The following PCSK2 variants were observed in gnomAD, a reference collection of about 807,000 sequenced individuals.
The protein encoded by PCSK2 is neuroendocrine convertase 2.
A neutral mutation model predicts 69.7 loss-of-function variants in PCSK2; 14 were observed. The observed-to-expected ratio is 0.20, with a 90% confidence interval of 0.13 to 0.31. The LOEUF is 0.31. Among genes scored for constraint, PCSK2 ranks in the 10% least tolerant of loss-of-function variants. PCSK2 has a pLI of 1.00. For synonymous variants in PCSK2, 307 were observed against 320.7 expected, an observed-to-expected ratio of 0.96 and a Z score of 0.46; for missense variants, 544 against 842.5, an observed-to-expected ratio of 0.65 and a Z score of 4.39.
chr20:17,283,774 G>A (rs1264974773), intron 2 of PCSK2, among the ~76,000 whole-genome samples: 1 of 152,124 alleles, frequency 6.6e-6, no homozygotes, highest in Admixed American at 6.5e-5. Flanking sequence ...TTCCATCTCA[G>A]GTATCATCAC....
chr20:17,296,570 T>C (rs1172199910), intron 2 of PCSK2, among the ~76,000 whole-genome samples: 1 of 152,182 alleles, frequency 6.6e-6, no homozygotes, highest in Non-Finnish European at 1.5e-5. Context: ...CCAGCTCTGT[T>C]GCATATTTTA....
At chr20:17,318,819 T>G (rs903493233) in intron 2 of PCSK2, among the ~76,000 whole-genome samples, 2 of 152,116 alleles carry the variant, frequency 1.3e-5, no homozygotes, top group Non-Finnish European at 2.9e-5. Flanking sequence ...TTCAGGGAGA[T>G]AGAGAGAAAT....
At chr20:17,311,239 T>C (rs116920888) in intron 2 of PCSK2, among the ~76,000 whole-genome samples, 1,601 of 152,284 alleles carry the variant, frequency 0.011, 15 homozygotes, top group Middle Eastern at 0.044. Context: ...TTGTAGTAGA[T>C]TTTAAAAAGA....
At chr20:17,374,133 T>C (rs376327514) in intron 5 of PCSK2, among the ~76,000 whole-genome samples, 50 of 152,326 alleles carry the variant, frequency 3.3e-4, no homozygotes, top group African/African-American at 1.1e-3. Context: ...ACAATGGCTG[T>C]GGATTGAACC....
At chr20:17,298,040 T>A (rs2123081411) in intron 2 of PCSK2, among the ~76,000 whole-genome samples, 1 of 152,318 alleles carries the variant, frequency 6.6e-6, no homozygotes, top group South Asian at 2.1e-4. Flanking sequence ...TTATTGCTCT[T>A]TTCCTTCCTC....
In PCSK2 at chr20:17,281,330, T is replaced by G. The variant is rs574581138; in HGVS notation, c.282+20986T>G. On this transcript the variant is annotated intron_variant, in intron 2 of 11. Coordinates refer to ENST00000262545, the MANE Select transcript of PCSK2 (RefSeq NM_002594.5). ...ATCTAAACACTTCTCCTGGCCCTGATGAAGAATGCAGTCCAGAAGGAAAGC... is the reference window on the plus strand; with the variant it reads ...ATCTAAACACTTCTCCTGGCCCTGAGGAAGAATGCAGTCCAGAAGGAAAGC... Among the ~76,000 whole-genome samples the G allele has an allele frequency of 2.0e-5, 3 of 152,188 alleles. No homozygotes were observed. The East Asian group carries it at 5.8e-4, about 29-fold the overall frequency.
intron 1 of PCSK2, among the ~76,000 whole-genome samples, chr20:17,244,561 A>C (rs1986703274): frequency 6.6e-6 from 1 of 152,200 alleles, no homozygotes; most frequent in South Asian, 2.1e-4. Context: ...AACCCTTCCC[A>C]ATATTCCTTT....
intron 5 of PCSK2, among the ~76,000 whole-genome samples, chr20:17,400,109 A>T (rs905946853): frequency 6.6e-6 from 1 of 152,198 alleles, no homozygotes; most frequent in Non-Finnish European, 1.5e-5. Context: ...GTGCTCCCCT[A>T]GCTCTTTAGT....
At chr20:17,369,415 C>G (rs2030693126) in intron 5 of PCSK2, 138 bp downstream of exon 5, 5 of 720,998 alleles carry the variant, frequency 6.9e-6, no homozygotes, top group Admixed American at 4.1e-5. Context: ...CACACACACA[C>G]AGGAGTACAG....
rs1432189557 is a variant in PCSK2, at chr20:17,280,346, T to C, written c.282+20002T>C. On this transcript the variant is annotated intron_variant, in intron 2 of 11. Transcript: ENST00000262545. ...CAAACTTTTCACTACATAAACAACA[T>C]TGCATGCTTCTTTGTGCACAAATAT... is the stretch of plus-strand genomic sequence containing the variant. 2.0e-5 allele frequency among the ~76,000 whole-genome samples: 3 copies of C among 152,222 alleles called. No individual in the cohort carries two copies. In the East Asian group the frequency reaches 5.8e-4, roughly 29 times the overall value.
chr20:17,406,562 A>G (rs2123298143), intron 5 of PCSK2, among the ~76,000 whole-genome samples: 1 of 152,290 alleles, frequency 6.6e-6, no homozygotes, highest in Non-Finnish European at 1.5e-5. Flanking sequence ...TCTCTGCTGT[A>G]AGCTCTGCTC....
chr20:17,464,987 C>A, intron 10 of PCSK2: 2 of 325,622 alleles, frequency 6.1e-6, no homozygotes, highest in South Asian at 7.1e-5. Flanking sequence ...ATTACTTGCA[C>A]GCTCATCCAC....
intron 1 of PCSK2, among the ~76,000 whole-genome samples, chr20:17,242,658 CCTAA>C (rs1986626015): frequency 6.6e-6 from 1 of 152,132 alleles, no homozygotes; most frequent in African/African-American, 2.4e-5. Context: ...GGTGACACAT[CCTAA>C]TAAGTTGAGG....
intron 2 of PCSK2, among the ~76,000 whole-genome samples, chr20:17,305,709 G>T (rs186992102): frequency 6.6e-6 from 1 of 152,244 alleles, no homozygotes; most frequent in East Asian, 1.9e-4. Context: ...ACAGAAAAAT[G>T]TCTTATTTTC....
intron 2 of PCSK2, among the ~76,000 whole-genome samples, chr20:17,351,825 C>T (rs1568614066): frequency 6.6e-6 from 1 of 152,096 alleles, no homozygotes; most frequent in Non-Finnish European, 1.5e-5. Flanking sequence ...CCCTATTCAA[C>T]ATAGTACTGG....
chr20:17,391,906 G>GGAAGGAAGGAAGGAAGGAAGGA (rs1282817841), intron 5 of PCSK2, among the ~76,000 whole-genome samples: 2 of 100,010 alleles, frequency 2.0e-5, no homozygotes, highest in South Asian at 4.5e-4. Context: ...GAAAGAGAGA[G>GGAAGGAAGGAAGGAAGGAAGGA]AGGAAGGAAG....
chr20:17,402,333 A>G (rs1263162877), intron 5 of PCSK2, among the ~76,000 whole-genome samples: 4 of 152,228 alleles, frequency 2.6e-5, no homozygotes, highest in Admixed American at 2.6e-4. Flanking sequence ...TCTGCTGATA[A>G]TGGTGGCAAT....
At chr20:17,409,233 G>A (rs149107177) in intron 5 of PCSK2, 30 bp from the exon 6 acceptor site, 114 of 1,580,210 alleles carry the variant, frequency 7.2e-5, no homozygotes, top group African/African-American at 8.1e-5. Context: ...CTGGCTGTAC[G>A]GACCTAATGA....
chr20:17,227,216 A>G lies in PCSK2; in HGVS notation c.-90A>G. ...ACAAAGATTTTTTTAAAAACTATAT[A>G]TAAGAATTCTTTATTTGCACCCTCC... On this transcript the variant is annotated 5_prime_UTR_variant, in exon 1 of 12. It adds an upstream start codon to the 5' untranslated region. Coordinates refer to ENST00000262545, the MANE Select transcript of PCSK2 (RefSeq NM_002594.5). The G allele has an allele frequency of 1.2e-6, 1 of 851,608 alleles. No individual in the cohort carries two copies. The highest frequency in any genetic ancestry group is 1.9e-6 in the Non-Finnish European group (1 of 523,612). The allele number at this position is 851,608 out of a possible 1,614,324, so 52.8% of individuals were successfully genotyped here. A position where few individuals can be genotyped will look rare whatever the true frequency, so the allele number is the denominator to read the frequency against.
Sources: allele counts gnomAD v4.1 joint callset (sites outside exome capture counted in the v4.1 genomes callset), GRCh38; gene constraint gnomAD v4.1.1; transcripts MANE v1.5; gene names NCBI Gene and HGNC (gene_info 2026-07-23, HGNC 2026-07-21).